The following RBPJ variants were observed in gnomAD, a reference collection of about 807,000 sequenced individuals.
RBPJ encodes the protein recombination signal binding protein for immunoglobulin kappa J region.
Under a neutral mutation model 67.8 loss-of-function variants are expected in RBPJ, and 9 were observed. The ratio of observed to expected loss-of-function variants is 0.13; its 90% CI spans 0.08 to 0.23. The LOEUF is 0.23. RBPJ is among the 10% of genes least tolerant of loss of function. The pLI, the probability that RBPJ is intolerant of heterozygous loss-of-function variation, is 1.00. For synonymous variants in RBPJ, 198 were observed against 203.3 expected (o/e 0.97, Z 0.22); for missense variants, 305 against 595.6 (o/e 0.51, Z 5.08).
intron 3 of RBPJ, among the ~76,000 whole-genome samples, chr4:26,415,121 G>T (rs1389042776): frequency 1.3e-5 from 2 of 152,140 alleles, no homozygotes; most frequent in Non-Finnish European, 2.9e-5. Flanking sequence ...ACAGATTTTT[G>T]TGGTGGTTTA....
rs1435158342 is a variant in RBPJ at position 26,430,759 on chromosome 4, C to T, written c.1216C>T (p.Arg406Trp). 3 of 1,613,872 alleles carry T rather than the reference C, an allele frequency of 1.9e-6. No individual in the cohort carries two copies. Among genetic ancestry groups the T allele is most frequent in the Non-Finnish European group, 2.5e-6 (3 of 1,179,994 alleles). The change falls in exon 11 of 11, where the codon CGG becomes TGG. Residue 406 changes from arginine to tryptophan, a missense_variant. Around this residue, in one of 7 missense-constraint regions of RBPJ, gnomAD observed 47 missense variants for 128.2 expected, o/e 0.37. Coordinates refer to ENST00000355476, the MANE Select transcript of RBPJ (RefSeq NM_015874.6). This position sits in a 1 kb window ranked among gnomAD's most constrained non-coding sequence, Gnocchi z 4.1. ...ATTCCGAGAAGGTTGGAGATGGGTC[C>T]GGCAACCAGTCCAGGTTCCAGTAAC... Reference protein sequence around the residue: ...SAFREGWRWVRQPVQVPVTLV... With the variant: ...SAFREGWRWVWQPVQVPVTLV...
chr4:26,244,343 ATGTG>A, intron 1 of RBPJ, among the ~76,000 whole-genome samples: 1 of 95,436 alleles, frequency 1.0e-5, no homozygotes, highest in Admixed American at 1.2e-4. Flanking sequence ...GTGTACACAT[ATGTG>A]TGTATATATA....
At chr4:26,389,464 C>T (rs1195878139) in intron 2 of RBPJ, among the ~76,000 whole-genome samples, 2 of 149,324 alleles carry the variant, frequency 1.3e-5, no homozygotes, top group African/African-American at 4.9e-5. Context: ...GAATTCTATA[C>T]CCAGTAGATA....
At chr4:26,389,532 A>G (rs2109652963) in intron 2 of RBPJ, among the ~76,000 whole-genome samples, 1 of 148,292 alleles carries the variant, frequency 6.7e-6, no homozygotes, top group East Asian at 2.0e-4. Context: ...GGCCTTAGCT[A>G]CAGTGTTAAA....
rs189470231 is a variant in RBPJ at position 26,211,306 on chromosome 4, G to T, written c.-167+47692G>T. ...GTTAAAGATCTATCACTCTACTCAA[G>T]GCCCACACAGCCCCAAAGACAGTAC... is the stretch of plus-strand genomic sequence containing the variant. On this transcript the variant is annotated intron_variant, in intron 1 of 4. Coordinates refer to the RBPJ transcript ENST00000512351. Among the ~76,000 whole-genome samples, 3 of 152,164 alleles carry T rather than the reference G, an allele frequency of 2.0e-5. No individual in the cohort carries two copies. The East Asian group carries it at 5.8e-4, about 29-fold the overall frequency.
At chr4:26,277,115 A>T (rs1181553408) in intron 1 of RBPJ, among the ~76,000 whole-genome samples, 1 of 53,580 alleles carries the variant, frequency 1.9e-5, no homozygotes. Context: ...CCCCATTTCT[A>T]AAAAAAAAAA....
chr4:26,172,941 G>T (rs11730491), intron 1 of RBPJ, among the ~76,000 whole-genome samples: 35,568 of 151,966 alleles, frequency 0.23, 4,942 homozygotes, highest in African/African-American at 0.39. Context: ...TGGAGGTGGG[G>T]GCAAGTGAAA....
At chr4:26,247,560 G>A (rs113451517) in intron 1 of RBPJ, among the ~76,000 whole-genome samples, 2,832 of 152,058 alleles carry the variant, frequency 0.019, 75 homozygotes, top group African/African-American at 0.064. Context: ...ACAGGCATGC[G>A]CCACCGCGTC....
In RBPJ at chr4:26,422,611, G is replaced by C. The variant is rs1735257356; in HGVS notation, c.497-1731G>C. Among the ~76,000 whole-genome samples, 4 of 152,048 alleles carry C rather than the reference G, an allele frequency of 2.6e-5. No homozygotes were observed. The South Asian group carries it at 8.3e-4, about 32-fold the overall frequency. On this transcript the variant is annotated intron_variant, in intron 5 of 10. Transcript: ENST00000355476. ...TTATGAGATCATGGTTTTTGTTGTG[G>C]TTGTTGTTATTGTTGTTGTTTTGTA...
chr4:26,164,443 G>A (rs1341416865), intron 1 of RBPJ, among the ~76,000 whole-genome samples: 2 of 152,138 alleles, frequency 1.3e-5, no homozygotes, highest in Non-Finnish European at 2.9e-5. Context: ...CTCAGAGCAG[G>A]GGCCAAGGAA....
intron 1 of RBPJ, among the ~76,000 whole-genome samples, chr4:26,202,671 G>A (rs1718020170): frequency 6.6e-6 from 1 of 151,952 alleles, no homozygotes; most frequent in Admixed American, 6.6e-5. Context: ...CTTTGGGGGG[G>A]CCAAAGGGGA....
chr4:26,415,939 T>C (rs1734543665), intron 4 of RBPJ, among the ~76,000 whole-genome samples: 1 of 152,200 alleles, frequency 6.6e-6, no homozygotes, highest in Non-Finnish European at 1.5e-5. Flanking sequence ...GGCTGATTGC[T>C]CATCTTCTGT....
At chr4:26,401,455 G>T (rs1577617719) in intron 2 of RBPJ, among the ~76,000 whole-genome samples, 2 of 152,212 alleles carry the variant, frequency 1.3e-5, no homozygotes, top group African/African-American at 2.4e-5. Context: ...GTTAATACAT[G>T]CTTAGAAGAG....
intron 1 of RBPJ, among the ~76,000 whole-genome samples, chr4:26,174,164 G>A (rs1005002695): frequency 5.3e-5 from 8 of 152,226 alleles, no homozygotes; most frequent in South Asian, 4.1e-4. Context: ...GTGGGAGAAA[G>A]TGATGATTGT....
At position 26,404,271 on chromosome 4, in the gene RBPJ, TG is replaced by T. The variant is rs1435228726; in HGVS notation, c.60-1902del. 2.0e-5 allele frequency among the ~76,000 whole-genome samples: 3 copies of T among 152,316 alleles called. No individual in the cohort carries two copies. In the East Asian group the frequency reaches 5.8e-4, roughly 29 times the overall value. On this transcript the variant is annotated intron_variant, in intron 2 of 10. Coordinates refer to ENST00000355476, the MANE Select transcript of RBPJ (RefSeq NM_015874.6). ...GTAAATTTAAGTTCCTTATAGATGC[TG>T]GATAGTAGACCTTTATCAGATGCAC...
At chr4:26,318,516 A>C (rs550088581), upstream of RBPJ, among the ~76,000 whole-genome samples, 13 of 152,348 alleles carry the variant, frequency 8.5e-5, no homozygotes, top group African/African-American at 3.1e-4. Flanking sequence ...GGAGGAAAAA[A>C]CAGAAACTGA....
the RBPJ span, among the ~76,000 whole-genome samples, chr4:26,130,947 C>A: frequency 6.6e-6 from 1 of 152,156 alleles, no homozygotes; most frequent in Non-Finnish European, 1.5e-5. Context: ...AATTACATTT[C>A]GGCGTGGAAT....
the RBPJ span, among the ~76,000 whole-genome samples, chr4:26,138,354 G>C: frequency 7.0e-6 from 1 of 143,518 alleles, no homozygotes; most frequent in Admixed American, 7.5e-5. Flanking sequence ...TCCGATGCTG[G>C]GGCCTCTCTG....
At chr4:26,141,433 A>T in the RBPJ span, among the ~76,000 whole-genome samples, 1 of 152,240 alleles carries the variant, frequency 6.6e-6, no homozygotes, top group Non-Finnish European at 1.5e-5. Context: ...CACAGGCCCC[A>T]GGGCAGGACC....
Sources: gnomAD v4.1 joint callset for allele counts (sites outside exome capture counted in the v4.1 genomes callset) on GRCh38, gnomAD v4.1.1 for gene constraint, gnomAD v4.1.1 regional missense constraint, Gnocchi (gnomAD v3.1) non-coding constraint, MANE v1.5 for transcripts, NCBI Gene and HGNC (gene_info 2026-07-23, HGNC 2026-07-21) for gene names.